CNTNAP4: variants seen among roughly 807,000 people sequenced by gnomAD.
CNTNAP4 encodes contactin associated protein family member 4.
CNTNAP4 carries 98 observed loss-of-function variants against 148.4 expected under a neutral mutation model. That is an observed-to-expected ratio of 0.66 (90% CI 0.56 to 0.78). The LOEUF is 0.78. CNTNAP4 is among the 30% of genes least tolerant of loss of function. CNTNAP4 has a pLI of 0.00. For missense variants in CNTNAP4, 1,935 were observed against 1,565.6 expected, an observed-to-expected ratio of 1.24 and a Z score of -3.98; for synonymous variants, 730 against 565.1, an observed-to-expected ratio of 1.29 and a Z score of -4.14.
chr16:76,481,648 A>T (rs1445493399), intron 12 of CNTNAP4, among the ~76,000 whole-genome samples: 1 of 152,068 alleles, frequency 6.6e-6, no homozygotes, highest in Non-Finnish European at 1.5e-5. Context: ...TACAATGAAC[A>T]GTGTTAGAAG....
chr16:76,366,055 G>T (rs77431026), intron 3 of CNTNAP4, among the ~76,000 whole-genome samples: 21,342 of 151,836 alleles, frequency 0.14, 2,114 homozygotes, highest in East Asian at 0.47. Context: ...TGTCTTTTAT[G>T]TTTTAATTTT....
intron 21 of CNTNAP4, among the ~76,000 whole-genome samples, chr16:76,545,557 A>T (rs1010981707): frequency 1.3e-5 from 2 of 149,820 alleles, no homozygotes. Context: ...GCAGCCAAGC[A>T]TAATAACACA....
intron 3 of CNTNAP4, among the ~76,000 whole-genome samples, chr16:76,417,035 A>AT (rs899709742): frequency 2.0e-5 from 3 of 151,160 alleles, no homozygotes; most frequent in African/African-American, 7.3e-5. Context: ...TTCGGCTTTT[A>AT]TTTTTTATTA....
chr16:76,342,465 CTTTTTTTTT>C (rs397854943), intron 2 of CNTNAP4, among the ~76,000 whole-genome samples: 11 of 91,510 alleles, frequency 1.2e-4, no homozygotes, highest in Middle Eastern at 0.011. Context: ...TTGCTAATTT[CTTTTTTTTT>C]TTTTTTTTTT....
chr16:76,453,596 A>C (rs1482073953), intron 8 of CNTNAP4, among the ~76,000 whole-genome samples: 1 of 152,202 alleles, frequency 6.6e-6, no homozygotes, highest in Non-Finnish European at 1.5e-5. Context: ...ATCTTTAAAA[A>C]CAACTTAAAG....
At chr16:76,371,938 C>T (rs2014870137) in intron 3 of CNTNAP4, among the ~76,000 whole-genome samples, 1 of 152,202 alleles carries the variant, frequency 6.6e-6, no homozygotes, top group Non-Finnish European at 1.5e-5. Flanking sequence ...TTTTGCCCCT[C>T]ACTTTTCCAA....
At chr16:76,527,216 CTTTG>C (rs1395704672) in intron 17 of CNTNAP4, among the ~76,000 whole-genome samples, 1 of 152,100 alleles carries the variant, frequency 6.6e-6, no homozygotes, top group Non-Finnish European at 1.5e-5. Flanking sequence ...AATTGGGCTT[CTTTG>C]TTTATAGATT....
chr16:76,314,711 T>C (rs1205564726), intron 1 of CNTNAP4, among the ~76,000 whole-genome samples: 1 of 152,142 alleles, frequency 6.6e-6, no homozygotes, highest in Admixed American at 6.5e-5. Context: ...CCTCACTTTC[T>C]GGGAATGCAG....
intron 1 of CNTNAP4, among the ~76,000 whole-genome samples, chr16:76,312,252 C>T (rs1038887050): frequency 1.3e-5 from 2 of 152,166 alleles, no homozygotes; most frequent in Admixed American, 6.5e-5. Flanking sequence ...CAGAAGTATC[C>T]TCTCTTAGTT....
chr16:76,317,667 T>G (rs1051150584), intron 2 of CNTNAP4, among the ~76,000 whole-genome samples: 10 of 152,202 alleles, frequency 6.6e-5, no homozygotes, highest in Non-Finnish European at 1.5e-5. Context: ...ATGTGCTTAA[T>G]GCTTGAGCAC....
intron 3 of CNTNAP4, among the ~76,000 whole-genome samples, chr16:76,403,150 T>TG (rs2078478392): frequency 6.6e-6 from 1 of 151,610 alleles, no homozygotes; most frequent in Non-Finnish European, 1.5e-5. Flanking sequence ...TGGAGTGCAG[T>TG]GGCGCGATCT....
At chr16:76,429,189 C>T (rs979589830) in intron 4 of CNTNAP4, among the ~76,000 whole-genome samples, 1 of 152,140 alleles carries the variant, frequency 6.6e-6, no homozygotes, top group Admixed American at 6.5e-5. Flanking sequence ...TGAATAAAAT[C>T]ACGCATTAAA....
chr16:76,401,374 G>T (rs998979759), intron 3 of CNTNAP4, among the ~76,000 whole-genome samples: 3 of 152,136 alleles, frequency 2.0e-5, no homozygotes, highest in African/African-American at 7.2e-5. Context: ...AGGAATGCTA[G>T]TGATTTTTGG....
At chr16:76,360,492 T>C (rs948423197) in intron 3 of CNTNAP4, among the ~76,000 whole-genome samples, 2 of 152,218 alleles carry the variant, frequency 1.3e-5, no homozygotes, top group Admixed American at 6.5e-5. Flanking sequence ...CTTCCTTATG[T>C]TGAGCCCTTA....
intron 8 of CNTNAP4, among the ~76,000 whole-genome samples, chr16:76,453,925 T>G (rs948873274): frequency 1.3e-5 from 2 of 152,102 alleles, no homozygotes; most frequent in African/African-American, 4.8e-5. Flanking sequence ...AGTCTCATAT[T>G]AATAATTAAT....
chr16:76,412,490 T>A (rs2078833979), intron 3 of CNTNAP4, among the ~76,000 whole-genome samples: 1 of 151,446 alleles, frequency 6.6e-6, no homozygotes, highest in Non-Finnish European at 1.5e-5. Context: ...AAATTCCATT[T>A]GTTCCACATT....
chr16:76,350,340 TG>T (rs1372688246), intron 2 of CNTNAP4, among the ~76,000 whole-genome samples: 4 of 152,208 alleles, frequency 2.6e-5, no homozygotes, highest in Admixed American at 2.0e-4. Context: ...TAAATACTTT[TG>T]TTTTTTTTCT....
chr16:76,294,009 T>C (rs1959182046), intron 1 of CNTNAP4, among the ~76,000 whole-genome samples: 1 of 152,144 alleles, frequency 6.6e-6, no homozygotes, highest in African/African-American at 2.4e-5. Context: ...GTCTATCTAG[T>C]TTCCATTTCA....
intron 1 of CNTNAP4, among the ~76,000 whole-genome samples, chr16:76,292,900 T>C (rs1343660812): frequency 6.6e-6 from 1 of 152,194 alleles, no homozygotes; most frequent in Non-Finnish European, 1.5e-5. Context: ...GAACCAGTGC[T>C]ACTTAAGCCA....
Sources: allele counts gnomAD v4.1 joint callset (sites outside exome capture counted in the v4.1 genomes callset), GRCh38; gene constraint gnomAD v4.1.1; transcripts MANE v1.5; gene names NCBI Gene and HGNC (gene_info 2026-07-23, HGNC 2026-07-21).